Variants in PXDNL observed in about 807,000 individuals in gnomAD.
PXDNL encodes peroxidasin like.
A neutral mutation model predicts 150.8 loss-of-function variants in PXDNL; 145 were observed. That is an observed-to-expected ratio of 0.96 (90% confidence interval 0.84 to 1.10). The LOEUF is 1.10. Among genes scored for constraint, PXDNL ranks in the 50% least tolerant of loss-of-function variants. The pLI is 0.00. For synonymous variants in PXDNL, 757 were observed against 725.7 expected (o/e 1.04, Z -0.69); for missense variants, 2,087 against 1,873.9 (o/e 1.11, Z -2.10).
chr8:51,358,507 C>A (rs570561490), intron 19 of PXDNL, among the ~76,000 whole-genome samples: 1 of 152,300 alleles, frequency 6.6e-6, no homozygotes, highest in Non-Finnish European at 1.5e-5. Flanking sequence ...CTTCTGTGAC[C>A]TTGAAAAACC....
At chr8:51,406,314 C>A (rs1478648932) in intron 17 of PXDNL, among the ~76,000 whole-genome samples, 1 of 152,188 alleles carries the variant, frequency 6.6e-6, no homozygotes, top group Non-Finnish European at 1.5e-5. Context: ...TGGCCACAAG[C>A]CTATCTGTGC....
intron 1 of PXDNL, among the ~76,000 whole-genome samples, chr8:51,666,056 T>C (rs1815378699): frequency 6.6e-6 from 1 of 152,222 alleles, no homozygotes; most frequent in East Asian, 1.9e-4. Context: ...AGCAATTTTG[T>C]TGCATTTCTT....
chr8:51,721,900 A>C, intron 1 of PXDNL: 1 of 272,288 alleles, frequency 3.7e-6, no homozygotes, highest in Admixed American at 3.8e-5. Context: ...ATGGCCTGTC[A>C]TGGTGAAAGT....
chr8:51,367,691 A>T (rs1806964114), intron 19 of PXDNL, among the ~76,000 whole-genome samples: 1 of 152,242 alleles, frequency 6.6e-6, no homozygotes, highest in Admixed American at 6.5e-5. Flanking sequence ...AATTACTTAT[A>T]TAACAGATAC....
At chr8:51,486,300 A>G (rs1810733993) in intron 5 of PXDNL, among the ~76,000 whole-genome samples, 4 of 152,170 alleles carry the variant, frequency 2.6e-5, no homozygotes, top group Admixed American at 6.5e-5. Context: ...GAATTTTTTT[A>G]ATTTTGTACA....
chr8:51,766,091 T>G (rs1000508266), intron 1 of PXDNL, among the ~76,000 whole-genome samples: 1 of 152,228 alleles, frequency 6.6e-6, no homozygotes, highest in African/African-American at 2.4e-5. Flanking sequence ...TGCCTTGGCC[T>G]CCCAAAGTGC....
chr8:51,423,639 T>A lies in PXDNL; in HGVS notation c.1731A>T (p.Arg577Ser). Residue 577 changes from arginine (R) to serine (S), a missense_variant, in exon 14 of 23, where the codon AGA becomes AGT. Transcript: ENST00000356297. ...IYDAGFPDQGRYECVARNSFG... is the reference protein window; with the variant it reads ...IYDAGFPDQGSYECVARNSFG... The stretch of plus-strand genomic sequence containing the variant: ...AAGAATTCCGAGCCACACATTCATA[T>A]CTTCCCTGGTCAGGGAACCCTGCGT... 1 of 1,613,912 alleles carries A rather than the reference T, an allele frequency of 6.2e-7. No individual in the cohort carries two copies. Among genetic ancestry groups the A allele is most frequent in the Non-Finnish European group, 8.5e-7 (1 of 1,179,828 alleles).
intron 17 of PXDNL, among the ~76,000 whole-genome samples, chr8:51,399,728 C>T (rs1440020832): frequency 3.3e-5 from 5 of 152,156 alleles, no homozygotes; most frequent in African/African-American, 1.2e-4. Flanking sequence ...CCACATGCCA[C>T]TTTTGATACA....
At chr8:51,711,900 C>G (rs1219378220) in intron 1 of PXDNL, among the ~76,000 whole-genome samples, 1 of 152,180 alleles carries the variant, frequency 6.6e-6, no homozygotes, top group African/African-American at 2.4e-5. Context: ...GGGGTTTGTT[C>G]TAGGTCCTGC....
intron 2 of PXDNL, among the ~76,000 whole-genome samples, chr8:51,606,135 T>G (rs1330211902): frequency 6.6e-6 from 1 of 152,254 alleles, no homozygotes; most frequent in Non-Finnish European, 1.5e-5. Flanking sequence ...AGATTAACTT[T>G]CAGCAAACGA....
At chr8:51,360,188 C>T (rs1439865723) in intron 19 of PXDNL, among the ~76,000 whole-genome samples, 3 of 152,120 alleles carry the variant, frequency 2.0e-5, no homozygotes, top group Non-Finnish European at 4.4e-5. Context: ...TTCACGTATA[C>T]ACTTTTGTGT....
At chr8:51,712,743 T>C (rs911742981) in intron 1 of PXDNL, among the ~76,000 whole-genome samples, 1 of 152,236 alleles carries the variant, frequency 6.6e-6, no homozygotes, top group Non-Finnish European at 1.5e-5. Context: ...TTAAACACAA[T>C]GCTCAGGAAA....
chr8:51,746,705 T>G (rs991312813), intron 1 of PXDNL, among the ~76,000 whole-genome samples: 1 of 152,174 alleles, frequency 6.6e-6, no homozygotes, highest in Non-Finnish European at 1.5e-5. Context: ...CTTCTTGTGG[T>G]TGAAGAAAAT....
chr8:51,321,217 G>A (rs1485058500), intron 21 of PXDNL: 3 of 212,326 alleles, frequency 1.4e-5, no homozygotes, highest in Non-Finnish European at 1.8e-5. Flanking sequence ...TTCTCAATAA[G>A]CACACTTGTA....
chr8:51,645,289 C>T (rs1198471727), intron 2 of PXDNL, among the ~76,000 whole-genome samples: 2 of 152,132 alleles, frequency 1.3e-5, no homozygotes, highest in Non-Finnish European at 2.9e-5. Flanking sequence ...TGTCCTCAGG[C>T]CACCAATTCA....
intron 1 of PXDNL, among the ~76,000 whole-genome samples, chr8:51,671,983 A>C (rs1295856406): frequency 6.6e-6 from 1 of 152,104 alleles, no homozygotes; most frequent in African/African-American, 2.4e-5. Context: ...TGCAAGTCAA[A>C]ACATTCTTAT....
intron 4 of PXDNL, among the ~76,000 whole-genome samples, chr8:51,552,774 T>A (rs1249202428): frequency 6.6e-6 from 1 of 152,262 alleles, no homozygotes; most frequent in Non-Finnish European, 1.5e-5. Context: ...AAATTACCAC[T>A]AAAGAATTTA....
intron 1 of PXDNL, among the ~76,000 whole-genome samples, chr8:51,717,346 A>C (rs1433021095): frequency 6.6e-6 from 1 of 152,200 alleles, no homozygotes; most frequent in African/African-American, 2.4e-5. Context: ...GAAAGCTGGA[A>C]AGGGGGAAAA....
rs1241228417 is a variant in PXDNL, at chr8:51,721,783, A to G, written c.165-67023T>C. ...AAGTGCTGCTTTTCCATCTACAGAT[A>G]GTTTGGTGGAGCTCCAGCCAGCCTC... On this transcript the variant is annotated intron_variant, in intron 1 of 22. Transcript: ENST00000356297. The G allele has an allele frequency of 1.6e-5, 6 of 378,838 alleles. No homozygotes were observed. The East Asian group carries it at 4.0e-4, about 25-fold the overall frequency. The allele number at this position is 378,838 out of a possible 1,614,324, so 23.5% of individuals were successfully genotyped here. A position where few individuals can be genotyped will look rare whatever the true frequency, so the allele number is the denominator to read the frequency against.
Sources: allele counts gnomAD v4.1 joint callset (sites outside exome capture counted in the v4.1 genomes callset), GRCh38; gene constraint gnomAD v4.1.1; transcripts MANE v1.5; gene names NCBI Gene and HGNC (gene_info 2026-07-23, HGNC 2026-07-21).